Variants in SLC24A3 observed in about 807,000 individuals in gnomAD.
SLC24A3 encodes solute carrier family 24 member 3.
A neutral mutation model predicts 75.8 loss-of-function variants in SLC24A3; 28 were observed. That is an observed-to-expected ratio of 0.37 (90% CI 0.27 to 0.51). The LOEUF is 0.51. Among genes scored for constraint, SLC24A3 ranks in the 20% least tolerant of loss-of-function variants. The pLI is 0.94. For synonymous variants in SLC24A3, 372 were observed against 334.1 expected (o/e 1.11, Z -1.24); for missense variants, 663 against 847.8 (o/e 0.78, Z 2.71).
chr20:19,687,406 C>T (rs1463190646), intron 12 of SLC24A3, among the ~76,000 whole-genome samples: 2 of 152,182 alleles, frequency 1.3e-5, no homozygotes, highest in Non-Finnish European at 2.9e-5. Context: ...GTCAACTGTG[C>T]CATACAACAC....
chr20:19,698,597 A>G lies in SLC24A3; in HGVS notation c.1636A>G (p.Ile546Val), dbSNP rs1361196575. 2 of 1,591,798 alleles carry G rather than the reference A, an allele frequency of 1.3e-6. No homozygotes were observed. The highest frequency in any genetic ancestry group is 1.3e-5 in the African/African-American group (1 of 74,578). The change falls in exon 15 of 17, where the codon ATT becomes GTT. Residue 546 changes from isoleucine (I) to valine (V), a missense_variant. Physicochemically the swap from Ile to Val is conservative, Grantham distance 29. Around this residue, in one of 2 missense-constraint regions of SLC24A3, gnomAD observed 510 missense variants for 703.6 expected, o/e 0.72. Transcript: ENST00000328041. ...GMGDMAVSNS[I>V]GSNVFDILIG... ...GGGGGACATGGCTGTGTCCAACTCC[A>G]TTGGGAGCAACGTGTTTGACATCCT...
chr20:19,477,847 A>T (rs546418453), intron 2 of SLC24A3, among the ~76,000 whole-genome samples: 1 of 152,324 alleles, frequency 6.6e-6, no homozygotes, highest in African/African-American at 2.4e-5. Context: ...TTAAGACTTG[A>T]TCCAAAAAGG....
At chr20:19,420,419 G>C (rs1378187404) in intron 2 of SLC24A3, among the ~76,000 whole-genome samples, 6 of 129,752 alleles carry the variant, frequency 4.6e-5, no homozygotes, top group Non-Finnish European at 9.5e-5. Context: ...CTTCCACAAT[G>C]GTTGAACTAG....
intron 6 of SLC24A3, among the ~76,000 whole-genome samples, chr20:19,590,893 G>A (rs116733705): frequency 0.011 from 1,623 of 152,288 alleles, 39 homozygotes; most frequent in African/African-American, 0.037. Flanking sequence ...TAGACCAAGC[G>A]TGGCCCTGGA....
intron 2 of SLC24A3, among the ~76,000 whole-genome samples, chr20:19,333,328 T>C (rs745948717): frequency 1.3e-5 from 2 of 152,188 alleles, no homozygotes; most frequent in East Asian, 1.9e-4. Context: ...TTATCTGCCC[T>C]AATGCATCTG....
chr20:19,216,661 A>C (rs1981567285), intron 1 of SLC24A3, among the ~76,000 whole-genome samples: 1 of 149,216 alleles, frequency 6.7e-6, no homozygotes, highest in African/African-American at 2.5e-5. Context: ...ATGCATGTAC[A>C]TATACACACA....
intron 6 of SLC24A3, among the ~76,000 whole-genome samples, chr20:19,639,473 G>GAT (rs2032043838): frequency 6.6e-6 from 1 of 152,262 alleles, no homozygotes; most frequent in African/African-American, 2.4e-5. Flanking sequence ...CCTTGAGCTA[G>GAT]ATACAGAGTG....
At chr20:19,498,362 C>T (rs889928832) in intron 2 of SLC24A3, among the ~76,000 whole-genome samples, 12 of 152,304 alleles carry the variant, frequency 7.9e-5, no homozygotes, top group African/African-American at 2.2e-4. Context: ...CAAAACTGGT[C>T]CCTATGCCAA....
intron 2 of SLC24A3, among the ~76,000 whole-genome samples, chr20:19,391,766 C>T (rs182052707): frequency 6.6e-6 from 1 of 152,282 alleles, no homozygotes; most frequent in Non-Finnish European, 1.5e-5. Flanking sequence ...GTTTACACAG[C>T]CTCTATGTCT....
chr20:19,318,392 A>C (rs1275805916), intron 2 of SLC24A3, among the ~76,000 whole-genome samples: 1 of 152,184 alleles, frequency 6.6e-6, no homozygotes, highest in African/African-American at 2.4e-5. Flanking sequence ...CATGATGAGG[A>C]GGCTGAGAGA....
chr20:19,245,116 T>C (rs904705420), intron 1 of SLC24A3, among the ~76,000 whole-genome samples: 1 of 152,182 alleles, frequency 6.6e-6, no homozygotes, highest in African/African-American at 2.4e-5. Flanking sequence ...TTGTCTCTTT[T>C]GATCTGGGCT....
intron 6 of SLC24A3, among the ~76,000 whole-genome samples, chr20:19,586,961 T>A (rs2031306093): frequency 6.6e-6 from 1 of 152,230 alleles, no homozygotes; most frequent in African/African-American, 2.4e-5. Context: ...TAGTTAGTAT[T>A]TTTTTAAAAA....
At chr20:19,357,001 G>C (rs1008467461) in intron 2 of SLC24A3, among the ~76,000 whole-genome samples, 9 of 152,256 alleles carry the variant, frequency 5.9e-5, no homozygotes, top group African/African-American at 2.2e-4. Context: ...TGGAACCTGT[G>C]AATATTGCTT....
At chr20:19,623,304 T>TAA (rs1329729527) in intron 6 of SLC24A3, among the ~76,000 whole-genome samples, 3 of 152,198 alleles carry the variant, frequency 2.0e-5, no homozygotes, top group East Asian at 1.9e-4. Flanking sequence ...ATGCCATAAA[T>TAA]GCTTTCTCAA....
At chr20:19,271,898 T>C (rs1337358949) in intron 1 of SLC24A3, among the ~76,000 whole-genome samples, 1 of 152,174 alleles carries the variant, frequency 6.6e-6, no homozygotes, top group East Asian at 1.9e-4. Context: ...AGATGATGGG[T>C]GCACCAAAAT....
At chr20:19,369,502 T>G (rs1322481796) in intron 2 of SLC24A3, among the ~76,000 whole-genome samples, 2 of 152,232 alleles carry the variant, frequency 1.3e-5, no homozygotes, top group Admixed American at 6.5e-5. Context: ...ACCACAATTT[T>G]TTTTACTTTT....
intron 3 of SLC24A3, among the ~76,000 whole-genome samples, chr20:19,548,806 T>C (rs2030646093): frequency 6.6e-6 from 1 of 152,194 alleles, no homozygotes; most frequent in Non-Finnish European, 1.5e-5. Flanking sequence ...ATATTTGCAT[T>C]TGAATAACAC....
chr20:19,537,811 A>G (rs1417563631), intron 3 of SLC24A3, among the ~76,000 whole-genome samples: 27 of 148,388 alleles, frequency 1.8e-4, no homozygotes, highest in Admixed American at 6.1e-4. Context: ...TCTCACTCAT[A>G]GGTGGGAATT....
intron 3 of SLC24A3, among the ~76,000 whole-genome samples, chr20:19,518,921 G>A (rs638351): frequency 0.15 from 23,316 of 152,118 alleles, 2,119 homozygotes; most frequent in East Asian, 0.32. Flanking sequence ...AGGACAGAAC[G>A]ACCCCAGGAG....
Sources: gnomAD v4.1 joint callset for allele counts (sites outside exome capture counted in the v4.1 genomes callset) on GRCh38, gnomAD v4.1.1 for gene constraint, gnomAD v4.1.1 regional missense constraint, MANE v1.5 for transcripts, NCBI Gene and HGNC (gene_info 2026-07-23, HGNC 2026-07-21) for gene names.